The following NIPSNAP3A variants were observed in gnomAD, a reference collection of about 807,000 sequenced individuals.
NIPSNAP3A encodes nipsnap homolog 3A.
NIPSNAP3A carries 27 observed loss-of-function variants against 32.3 expected under a neutral mutation model. That is an observed-to-expected ratio of 0.84 (90% CI 0.62 to 1.15). The LOEUF (loss-of-function observed/expected upper bound fraction) is 1.15. Ranked by LOEUF, NIPSNAP3A falls within the 50% of genes most tolerant of loss-of-function variation. NIPSNAP3A has a pLI of 0.00. For missense variants in NIPSNAP3A, 278 were observed against 297.2 expected (o/e 0.94, Z 0.48); for synonymous variants, 108 against 107.3 (o/e 1.01, Z -0.04).
At chr9:104,747,932 G>C in intron 1 of NIPSNAP3A, 80 bp downstream of exon 1, 1 of 1,353,832 alleles carries the variant, frequency 7.4e-7, no homozygotes, top group Non-Finnish European at 1.0e-6. Context: ...GTACGTGCGA[G>C]CAATGCGCAT....
At chr9:104,748,958 TC>T (rs1827813930) in intron 1 of NIPSNAP3A, among the ~76,000 whole-genome samples, 1 of 151,982 alleles carries the variant, frequency 6.6e-6, no homozygotes, top group African/African-American at 2.4e-5. Context: ...AATTCTTAAC[TC>T]CCATCCGGCT....
intron 1 of NIPSNAP3A, among the ~76,000 whole-genome samples, chr9:104,748,664 TC>T (rs1827808425): frequency 6.6e-6 from 1 of 152,148 alleles, no homozygotes; most frequent in Non-Finnish European, 1.5e-5. Flanking sequence ...GATTAACCTG[TC>T]CTAGAGACAG....
chr9:104,748,251 C>G (rs1334338566), intron 1 of NIPSNAP3A, among the ~76,000 whole-genome samples: 1 of 152,232 alleles, frequency 6.6e-6, no homozygotes, highest in African/African-American at 2.4e-5. Flanking sequence ...GGAGTCGTAG[C>G]TTTCCAAGCC....
intron 1 of NIPSNAP3A, among the ~76,000 whole-genome samples, chr9:104,750,092 TAA>T (rs909224863): frequency 1.3e-5 from 2 of 152,156 alleles, no homozygotes; most frequent in African/African-American, 4.8e-5. Flanking sequence ...TTCAAGAACC[TAA>T]AAGAGTTTTC....
intron 2 of NIPSNAP3A, 66 bp downstream of exon 2, chr9:104,751,232 G>T (rs1827845527): frequency 3.7e-6 from 5 of 1,337,572 alleles, no homozygotes; most frequent in Middle Eastern, 2.4e-4. Flanking sequence ...TTTTCATTCT[G>T]TTAAATGTAA....
At position 104,753,006 on chromosome 9, in the gene NIPSNAP3A, A is replaced by G; in HGVS notation, c.372A>G (p.Gln124=). 6.2e-7 allele frequency: 1 copy of G among 1,610,010 alleles called. No homozygotes were observed. The highest frequency in any genetic ancestry group is 1.1e-5 in the South Asian group (1 of 91,044). The change falls in exon 3 of 6, where the codon CAA becomes CAG. Residue 124 remains glutamine (Q), a synonymous_variant. Transcript: ENST00000374767. ...LIPNLALIDK[Q]ESEITYLVPW... The stretch of plus-strand genomic sequence containing the variant: ...CAAATTTGGCTCTCATTGATAAACA[A>G]GAGAGTGAGATTACTTATCTGGTAC...
chr9:104,753,954 A>T (rs1047203523), intron 3 of NIPSNAP3A: 4 of 152,374 alleles, frequency 2.6e-5, no homozygotes, highest in African/African-American at 9.7e-5. Flanking sequence ...CCAGCCCTAT[A>T]CTTCTGTCCA....
chr9:104,751,392 A>C (rs1053374845), intron 2 of NIPSNAP3A, among the ~76,000 whole-genome samples: 9 of 152,340 alleles, frequency 5.9e-5, no homozygotes, highest in African/African-American at 2.2e-4. Context: ...ATTATATTAC[A>C]TTATAAATTG....
intron 1 of NIPSNAP3A, among the ~76,000 whole-genome samples, chr9:104,750,461 G>A (rs944744393): frequency 6.6e-6 from 1 of 152,152 alleles, no homozygotes; most frequent in Non-Finnish European, 1.5e-5. Flanking sequence ...TTGAGGCAGG[G>A]AACCTAAGGA....
At chr9:104,751,557 G>A (rs1166339474) in intron 2 of NIPSNAP3A, among the ~76,000 whole-genome samples, 1 of 152,186 alleles carries the variant, frequency 6.6e-6, no homozygotes, top group Non-Finnish European at 1.5e-5. Flanking sequence ...AAAAGGAAAG[G>A]AGAAGTATCT....
intron 4 of NIPSNAP3A, 132 bp downstream of exon 4, chr9:104,754,832 T>A: frequency 1.4e-6 from 1 of 708,012 alleles, no homozygotes; most frequent in African/African-American, 1.8e-5. Flanking sequence ...TTGTAATTTT[T>A]AAAATTGAGA....
At position 104,751,477 on chromosome 9, in the gene NIPSNAP3A, G is replaced by A. The variant is rs142558245; in HGVS notation, c.271+311G>A. On this transcript the variant is annotated intron_variant, in intron 2 of 5. Transcript: ENST00000374767. ...TAAACCTCAGAAAAATATTAAAATGGTTTGCTGTAAAGATAGTTCATGAAA... is the reference window on the plus strand; with the variant it reads ...TAAACCTCAGAAAAATATTAAAATGATTTGCTGTAAAGATAGTTCATGAAA... Among the ~76,000 whole-genome samples, 1,232 of 152,262 alleles carry A rather than the reference G, an allele frequency of 8.1e-3. 5 individuals are homozygous for A. Among genetic ancestry groups the A allele is most frequent in the Non-Finnish European group, 0.014 (953 of 68,008 alleles).
At chr9:104,756,057 C>T (rs1251713003) in intron 4 of NIPSNAP3A, among the ~76,000 whole-genome samples, 1 of 152,128 alleles carries the variant, frequency 6.6e-6, no homozygotes, top group Non-Finnish European at 1.5e-5. Flanking sequence ...ATATACCCAT[C>T]TTTATGCAGA....
intron 2 of NIPSNAP3A, among the ~76,000 whole-genome samples, chr9:104,751,970 G>T (rs1827852997): frequency 6.6e-6 from 1 of 151,920 alleles, no homozygotes; most frequent in Non-Finnish European, 1.5e-5. Flanking sequence ...TTGGTTTAGG[G>T]TTTTTCCCTG....
Position 104,759,085 on chromosome 9 carries a change from T to A in NIPSNAP3A, c.581T>A (p.Val194Asp). Reference protein sequence around the residue: ...FHTEYGALNRVHVLWWNESAD... With the variant: ...FHTEYGALNRDHVLWWNESAD... ...AGCTACTTGTGGTTTATTTCTGCAG[T>A]TCATGTTCTTTGGTGGAATGAGAGT... The change falls in exon 5 of 6, where the codon GTT (valine) becomes GAT (aspartate). Residue 194 changes from valine to aspartate, a missense_variant and splice_region_variant. Transcript: ENST00000374767. 1 of 1,610,672 alleles carries A rather than the reference T, an allele frequency of 6.2e-7. No individual in the cohort carries two copies. Among genetic ancestry groups the A allele is most frequent in the Non-Finnish European group, 8.5e-7 (1 of 1,178,166 alleles).
chr9:104,754,392 A>T (rs1351776413), intron 3 of NIPSNAP3A, 159 bp from the exon 4 acceptor site: 1 of 619,996 alleles, frequency 1.6e-6, no homozygotes, highest in African/African-American at 1.9e-5. Context: ...CTAAGCATAA[A>T]AGCAGAGAGT....
chr9:104,748,996 G>C (rs1827814502), intron 1 of NIPSNAP3A, among the ~76,000 whole-genome samples: 1 of 152,106 alleles, frequency 6.6e-6, no homozygotes, highest in South Asian at 2.1e-4. Flanking sequence ...CTCCCCTGCA[G>C]TCTTCCTTCT....
At chr9:104,751,962 G>A (rs1181623960) in intron 2 of NIPSNAP3A, among the ~76,000 whole-genome samples, 1 of 152,060 alleles carries the variant, frequency 6.6e-6, no homozygotes, top group Admixed American at 6.5e-5. Context: ...TTTAGTGTTT[G>A]GTTTAGGGTT....
At chr9:104,748,649 A>G (rs188063891) in intron 1 of NIPSNAP3A, among the ~76,000 whole-genome samples, 1 of 152,228 alleles carries the variant, frequency 6.6e-6, no homozygotes, top group African/African-American at 2.4e-5. Context: ...GCAGGATGGG[A>G]AGGGGATTAA....
Sources: gnomAD v4.1 joint callset for allele counts (sites outside exome capture counted in the v4.1 genomes callset) on GRCh38, gnomAD v4.1.1 for gene constraint, MANE v1.5 for transcripts, NCBI Gene and HGNC (gene_info 2026-07-23, HGNC 2026-07-21) for gene names.